TTC6: variants seen among roughly 807,000 people sequenced by gnomAD.
The protein encoded by TTC6 is tetratricopeptide repeat domain 6.
A neutral mutation model predicts 210.4 loss-of-function variants in TTC6; 172 were observed. That is an observed-to-expected ratio of 0.82 (90% CI 0.72 to 0.93). TTC6 has a LOEUF of 0.93. Among genes scored for constraint, TTC6 ranks in the 40% least tolerant of loss-of-function variants. The pLI, the probability that TTC6 is intolerant of heterozygous loss-of-function variation, is 0.00. For missense variants in TTC6, 2,414 were observed against 2,318.1 expected, an observed-to-expected ratio of 1.04 and a Z score of -0.85; for synonymous variants, 804 against 819.6, an observed-to-expected ratio of 0.98 and a Z score of 0.32.
In TTC6 at chr14:37,816,014, A is replaced by T. The variant is rs141675940; in HGVS notation, c.4690-1564A>T. 5.9e-5 allele frequency among the ~76,000 whole-genome samples: 9 copies of T among 151,682 alleles called. No homozygotes were observed. The East Asian group carries it at 1.7e-3, about 29-fold the overall frequency. ...CAAAATTAATGGGAATGTTTGTAAT[A>T]AAGCTCACTTACACTTGTAAGTTTG... is the stretch of plus-strand genomic sequence containing the variant. On this transcript the variant is annotated intron_variant, in intron 25 of 30. Coordinates refer to ENST00000553443, the Ensembl canonical transcript of TTC6.
chr14:37,636,003 A>G (rs554704209), intron 1 of TTC6, among the ~76,000 whole-genome samples: 1 of 150,706 alleles, frequency 6.6e-6, no homozygotes, highest in Admixed American at 6.6e-5. Context: ...AAAAAAAAGA[A>G]AAAAAAAAGA....
intron 1 of TTC6, among the ~76,000 whole-genome samples, chr14:37,624,762 C>T (rs1412129465): frequency 1.3e-5 from 2 of 152,148 alleles, no homozygotes; most frequent in South Asian, 4.2e-4. Flanking sequence ...GCTGGGACTA[C>T]AGCCGCCCAC....
intron 1 of TTC6, among the ~76,000 whole-genome samples, chr14:37,672,463 G>A (rs941446270): frequency 2.6e-5 from 4 of 152,128 alleles, no homozygotes; most frequent in African/African-American, 9.7e-5. Flanking sequence ...CTTCTTCAGG[G>A]AAAGAATCTT....
chr14:37,625,399 T>G (rs2095658497), intron 1 of TTC6, among the ~76,000 whole-genome samples: 1 of 151,682 alleles, frequency 6.6e-6, no homozygotes, highest in South Asian at 2.1e-4. Flanking sequence ...AATACAAAAA[T>G]TAGCCGGGCG....
chr14:37,791,494 C>T (rs1420393659), intron 16 of TTC6, among the ~76,000 whole-genome samples: 2 of 152,254 alleles, frequency 1.3e-5, no homozygotes, highest in East Asian at 3.9e-4. Context: ...AACCAGCAGA[C>T]TGTTTACTTA....
chr14:37,772,151 G>C (rs538679533), intron 14 of TTC6, among the ~76,000 whole-genome samples: 2 of 152,210 alleles, frequency 1.3e-5, no homozygotes, highest in Non-Finnish European at 2.9e-5. Flanking sequence ...TGAGGAGGCA[G>C]TCTGCCCGTT....
chr14:37,762,145 G>A (rs917486393), intron 14 of TTC6, among the ~76,000 whole-genome samples: 2 of 152,068 alleles, frequency 1.3e-5, no homozygotes, highest in African/African-American at 2.4e-5. Flanking sequence ...TGTAAGTGGT[G>A]GGATTTCCCT....
intron 12 of TTC6, 58 bp downstream of exon 14, chr14:37,749,901 T>C: frequency 8.7e-7 from 1 of 1,147,438 alleles, no homozygotes; most frequent in Non-Finnish European, 1.1e-6. Flanking sequence ...CCTTTGTCAT[T>C]TATTGGTACT....
intron 14 of TTC6, 46 bp downstream of exon 16, chr14:37,753,281 G>A: frequency 4.2e-6 from 6 of 1,436,212 alleles, no homozygotes; most frequent in Non-Finnish European, 5.6e-6. Flanking sequence ...ACTATTATTT[G>A]AAATACATTT....
intron 14 of TTC6, among the ~76,000 whole-genome samples, chr14:37,754,915 A>G (rs2095963007): frequency 6.6e-6 from 1 of 152,184 alleles, no homozygotes; most frequent in Non-Finnish European, 1.5e-5. Flanking sequence ...TCCTTTGGGT[A>G]TATACCCTGT....
chr14:37,674,880 A>G (rs2095765622), intron 1 of TTC6, among the ~76,000 whole-genome samples: 1 of 151,668 alleles, frequency 6.6e-6, no homozygotes, highest in African/African-American at 2.4e-5. Context: ...TCTTTTTTTT[A>G]TTTCTCTGGC....
intron 1 of TTC6, among the ~76,000 whole-genome samples, chr14:37,668,146 A>T (rs1024067314): frequency 6.7e-6 from 1 of 149,926 alleles, no homozygotes; most frequent in Non-Finnish European, 1.5e-5. Flanking sequence ...AAAAAAAAAA[A>T]TTTGGCTGGA....
intron 1 of TTC6, among the ~76,000 whole-genome samples, chr14:37,647,036 C>T (rs1234278969): frequency 2.0e-5 from 3 of 152,198 alleles, no homozygotes; most frequent in Non-Finnish European, 2.9e-5. Context: ...TTCTTGCCTA[C>T]TAAATGCCAA....
At chr14:37,697,576 C>T (rs773283318) in intron 4 of TTC6, among the ~76,000 whole-genome samples, 2 of 152,074 alleles carry the variant, frequency 1.3e-5, no homozygotes, top group South Asian at 4.1e-4. Flanking sequence ...TGGAAGACAG[C>T]CTTTTTATGG....
chr14:37,627,226 C>T (rs1335895776), intron 1 of TTC6, among the ~76,000 whole-genome samples: 1 of 152,120 alleles, frequency 6.6e-6, no homozygotes, highest in East Asian at 1.9e-4. Flanking sequence ...CCCGTACAGC[C>T]TGTAGAACCA....
chr14:37,621,376 G>A (rs966637529), upstream of TTC6, among the ~76,000 whole-genome samples: 7 of 152,334 alleles, frequency 4.6e-5, no homozygotes, highest in African/African-American at 1.7e-4. Flanking sequence ...TTGGAAGGCT[G>A]AGGTGGGAGG....
intron 14 of TTC6, among the ~76,000 whole-genome samples, chr14:37,767,968 G>A (rs1399521781): frequency 2.0e-5 from 3 of 147,058 alleles, no homozygotes; most frequent in Non-Finnish European, 3.0e-5. Context: ...ATCTTGAATT[G>A]ATTTTTGTAT....
chr14:37,672,084 T>A (rs1248300410), intron 1 of TTC6, among the ~76,000 whole-genome samples: 1 of 152,174 alleles, frequency 6.6e-6, no homozygotes, highest in Non-Finnish European at 1.5e-5. Flanking sequence ...GTCTTGGGAA[T>A]TTTAGTTTTA....
chr14:37,728,177 T>C (rs1296283897), intron 7 of TTC6, among the ~76,000 whole-genome samples: 1 of 75,870 alleles, frequency 1.3e-5, no homozygotes, highest in Non-Finnish European at 3.3e-5. Flanking sequence ...AATAATAGAC[T>C]TTATTATACT....
Sources: allele counts gnomAD v4.1 joint callset (sites outside exome capture counted in the v4.1 genomes callset), GRCh38; gene constraint gnomAD v4.1.1; transcripts MANE v1.5; gene names NCBI Gene and HGNC (gene_info 2026-07-23, HGNC 2026-07-21).